Variants in RXRA observed in about 807,000 individuals in gnomAD.
RXRA encodes the protein retinoid X receptor alpha, also known as retinoic acid receptor RXR-alpha.
RXRA carries 5 observed loss-of-function variants against 44.5 expected under a neutral mutation model. The ratio of observed to expected loss-of-function variants is 0.11; its 90% CI spans 0.06 to 0.24. RXRA has a LOEUF of 0.24. RXRA is among the 10% of genes least tolerant of loss of function. RXRA has a pLI of 1.00. For missense variants in RXRA, 412 were observed against 646.5 expected (o/e 0.64, Z 3.93); for synonymous variants, 291 against 271.4 (o/e 1.07, Z -0.71).
At chr9:134,409,954 C>G (rs1831121323) in intron 4 of RXRA, among the ~76,000 whole-genome samples, 1 of 152,228 alleles carries the variant, frequency 6.6e-6, no homozygotes, top group Non-Finnish European at 1.5e-5. Context: ...GGCCCAACAC[C>G]TGTGTGGCTG....
intron 1 of RXRA, chr9:134,379,602 C>A: frequency 1.0e-6 from 1 of 985,456 alleles, no homozygotes; most frequent in African/African-American, 1.7e-5. Context: ...TCCTGTGCTC[C>A]CTGACAGCCG....
In RXRA at chr9:134,347,722, G is replaced by A. The variant is rs797039311; in HGVS notation, c.28+21063G>A. Reference sequence around the variant, plus strand: ...GGTGGAGAAGGACCTCTCAGGCCAGGGGAACGGTGTGTGCAAAGGCCCCAG... The same window carrying A: ...GGTGGAGAAGGACCTCTCAGGCCAGAGGAACGGTGTGTGCAAAGGCCCCAG... On this transcript the variant is annotated intron_variant, in intron 1 of 9. Coordinates refer to ENST00000481739, the MANE Select transcript of RXRA (RefSeq NM_002957.6). Among the ~76,000 whole-genome samples, 39 of 152,160 alleles carry A rather than the reference G, an allele frequency of 2.6e-4. 1 individual carries two copies. Among genetic ancestry groups the A allele is most frequent in the African/African-American group, 8.4e-4 (35 of 41,424 alleles).
intron 5 of RXRA, 28 bp from the exon 6 acceptor site, chr9:134,421,648 A>T: frequency 6.5e-7 from 1 of 1,548,864 alleles, no homozygotes; most frequent in Non-Finnish European, 8.7e-7. Flanking sequence ...CTGGGACTGA[A>T]TGTCCTGCTC....
intron 5 of RXRA, among the ~76,000 whole-genome samples, chr9:134,420,942 C>T (rs760445438): frequency 1.3e-5 from 2 of 152,196 alleles, no homozygotes; most frequent in Non-Finnish European, 2.9e-5. Flanking sequence ...GTATCTCAGC[C>T]GAGGCTCCTG....
At chr9:134,331,889 G>A (rs1554746696) in intron 1 of RXRA, among the ~76,000 whole-genome samples, 1 of 152,214 alleles carries the variant, frequency 6.6e-6, no homozygotes, top group African/African-American at 2.4e-5. Flanking sequence ...AGCATCCTCA[G>A]AGGCTGCTCA....
intron 1 of RXRA, among the ~76,000 whole-genome samples, chr9:134,359,509 C>T (rs959482708): frequency 1.3e-5 from 2 of 152,180 alleles, no homozygotes; most frequent in Non-Finnish European, 2.9e-5. Context: ...CATAAGTCAT[C>T]GCATTATTCC....
At chr9:134,401,528 G>A in intron 1 of RXRA, 104 bp from the exon 2 acceptor site, 4 of 1,567,780 alleles carry the variant, frequency 2.6e-6, no homozygotes, top group Non-Finnish European at 3.4e-6. Context: ...AGGGTGCCGG[G>A]GTCTTCCCGC....
At chr9:134,423,194 G>A (rs903657794) in intron 6 of RXRA, 2 of 985,336 alleles carry the variant, frequency 2.0e-6, no homozygotes, top group African/African-American at 1.7e-5. Flanking sequence ...AGGCCAGGCT[G>A]TTAGTGGAGT....
At position 134,349,802 on chromosome 9, in the gene RXRA, G is replaced by A. The variant is rs1485673234; in HGVS notation, c.28+23143G>A. On this transcript the variant is annotated intron_variant, in intron 1 of 9. Transcript: ENST00000481739. This position sits in a 1 kb window ranked among gnomAD's most constrained non-coding sequence, Gnocchi z 4.3. ...CCCAGGAAGGCTGCTTGGAGGAGGG[G>A]CAGAGCTGGGCTAGCTCGGGTGGGC... Among the ~76,000 whole-genome samples the A allele has an allele frequency of 2.1e-5, 3 of 143,726 alleles. No homozygotes were observed. The East Asian group carries it at 6.2e-4, about 30-fold the overall frequency. The allele number at this position is 143,726 out of a possible 152,430, so 94.3% of individuals were successfully genotyped here. A position where few individuals can be genotyped will look rare whatever the true frequency, so the allele number is the denominator to read the frequency against.
chr9:134,370,818 G>A lies in RXRA; in HGVS notation c.29-30814G>A, dbSNP rs190449144. Among the ~76,000 whole-genome samples the A allele has an allele frequency of 7.2e-3, 1,094 of 152,334 alleles. 12 individuals carry two copies. The highest frequency in any genetic ancestry group is 0.025 in the African/African-American group (1,029 of 41,564). On this transcript the variant is annotated intron_variant, in intron 1 of 9. Transcript: ENST00000481739. ...CGGAGGGTCTGGGGTTGGAGGTGGTGTGGACATGATGAGTGCTCTCACTCC... is the reference window on the plus strand; with the variant it reads ...CGGAGGGTCTGGGGTTGGAGGTGGTATGGACATGATGAGTGCTCTCACTCC...
intron 1 of RXRA, among the ~76,000 whole-genome samples, chr9:134,382,673 G>T (rs1262862877): frequency 6.6e-6 from 1 of 152,148 alleles, no homozygotes; most frequent in Non-Finnish European, 1.5e-5. Flanking sequence ...TCCAGGGTGG[G>T]GTGCTGAGGC....
chr9:134,424,614 C>T, intron 6 of RXRA: 1 of 985,476 alleles, frequency 1.0e-6, no homozygotes, highest in Non-Finnish European at 1.2e-6. Flanking sequence ...GGGCCAGCAG[C>T]TCACCCATCA....
In RXRA at chr9:134,417,551, GCAGGGGC is replaced by G. The variant is rs556384213; in HGVS notation, c.780+240_780+246del. 6.1e-3 allele frequency among the ~76,000 whole-genome samples: 921 copies of G among 152,176 alleles called. 8 individuals carry two copies. Among genetic ancestry groups the G allele is most frequent in the African/African-American group, 0.021 (878 of 41,536 alleles). The stretch of plus-strand genomic sequence containing the variant: ...GGCCCATGCACGAGTAGCCCATGGG[GCAGGGGC>G]CAGGGGCCAGGGGCCCGGGGCCTGG... On this transcript the variant is annotated intron_variant, in intron 5 of 9. Coordinates refer to ENST00000481739, the MANE Select transcript of RXRA (RefSeq NM_002957.6). This position sits in a 1 kb window ranked among gnomAD's most constrained non-coding sequence, Gnocchi z 6.1.
At chr9:134,386,147 C>A (rs1830716639) in intron 1 of RXRA, among the ~76,000 whole-genome samples, 1 of 152,242 alleles carries the variant, frequency 6.6e-6, no homozygotes, top group South Asian at 2.1e-4. Context: ...TTGCGACCAG[C>A]TCCAGGCTGC....
intron 1 of RXRA, among the ~76,000 whole-genome samples, chr9:134,328,546 C>T (rs940073988): frequency 6.6e-6 from 1 of 152,212 alleles, no homozygotes; most frequent in Non-Finnish European, 1.5e-5. Context: ...AGGCAGCCCA[C>T]GCCCCAGGGC....
chr9:134,341,318 TC>T (rs1311333371), intron 1 of RXRA, among the ~76,000 whole-genome samples: 3 of 152,042 alleles, frequency 2.0e-5, no homozygotes, highest in Admixed American at 6.5e-5. Context: ...TTCTTGGGAC[TC>T]TTCTTTGAGC....
intron 1 of RXRA, among the ~76,000 whole-genome samples, chr9:134,384,924 C>T (rs866806618): frequency 6.6e-6 from 1 of 152,196 alleles, no homozygotes; most frequent in Non-Finnish European, 1.5e-5. Context: ...GGTGCCATCA[C>T]AGGAGACTTC....
chr9:134,435,127 G>A (rs1831596389), intron 9 of RXRA, among the ~76,000 whole-genome samples: 1 of 152,202 alleles, frequency 6.6e-6, no homozygotes, highest in Non-Finnish European at 1.5e-5. Flanking sequence ...CGCTGTTTTT[G>A]CCTTTAAAAC....
chr9:134,382,899 A>G (rs911619338), intron 1 of RXRA, among the ~76,000 whole-genome samples: 8 of 152,064 alleles, frequency 5.3e-5, no homozygotes, highest in Non-Finnish European at 1.0e-4. Flanking sequence ...GCACCTGTCG[A>G]GTTCTTGGAG....
Sources: allele counts gnomAD v4.1 joint callset (sites outside exome capture counted in the v4.1 genomes callset), GRCh38; gene constraint gnomAD v4.1.1; non-coding constraint Gnocchi (gnomAD v3.1); transcripts MANE v1.5; gene names NCBI Gene and HGNC (gene_info 2026-07-23, HGNC 2026-07-21).